Variants in CCDC178 observed in about 807,000 individuals in gnomAD.
CCDC178 encodes the protein coiled-coil domain containing 178, also known as coiled-coil domain-containing protein 178.
CCDC178 carries 126 observed loss-of-function variants against 117.4 expected under a neutral mutation model. That is an observed-to-expected ratio of 1.07 (90% confidence interval 0.93 to 1.24). The LOEUF (loss-of-function observed/expected upper bound fraction) is 1.24, where lower values mean the gene tolerates loss of function less well. CCDC178 is among the 50% of genes most tolerant of loss of function. The probability of loss-of-function intolerance (pLI) is 0.00; values close to 1 mark genes in which losing one functional copy is unlikely to be tolerated. For missense variants in CCDC178, 1,030 were observed against 986.9 expected (o/e 1.04, Z -0.59); for synonymous variants, 283 against 313.4 (o/e 0.90, Z 1.02).
chr18:33,089,403 G>A (rs2057428438), intron 21 of CCDC178, among the ~76,000 whole-genome samples: 1 of 151,976 alleles, frequency 6.6e-6, no homozygotes, highest in East Asian at 1.9e-4. Context: ...TGGGAGAGAT[G>A]ATAACAGTAA....
intron 11 of CCDC178, among the ~76,000 whole-genome samples, chr18:33,310,996 T>C (rs971541202): frequency 1.3e-5 from 2 of 152,142 alleles, no homozygotes; most frequent in Admixed American, 6.5e-5. Context: ...GTACTCTATA[T>C]GTATGTTCTC....
rs563587799 is a variant in CCDC178, at chr18:32,997,483, A to C, written c.2389-22802T>G. 4.4e-4 allele frequency among the ~76,000 whole-genome samples: 67 copies of C among 152,238 alleles called. 1 individual carries two copies. Among genetic ancestry groups the C allele is most frequent in the Middle Eastern group, 3.4e-3 (1 of 294 alleles). ...GGGTCAAGCTGCAAGTTTTCATTGG[A>C]TGTTCAGCCTGTCAGCCTACCCTGA... On this transcript the variant is annotated intron_variant, in intron 21 of 22. Transcript: ENST00000383096.
At chr18:33,068,858 T>C (rs2057063511) in intron 21 of CCDC178, among the ~76,000 whole-genome samples, 1 of 152,196 alleles carries the variant, frequency 6.6e-6, no homozygotes, top group African/African-American at 2.4e-5. Flanking sequence ...GGCATCCAAA[T>C]TGAAAAAGAG....
At chr18:33,104,643 G>C (rs1295730051) in intron 20 of CCDC178, among the ~76,000 whole-genome samples, 3 of 151,614 alleles carry the variant, frequency 2.0e-5, no homozygotes. Context: ...AAATCTCTGG[G>C]GAAATATTGA....
chr18:33,326,234 G>C (rs2062582686), intron 10 of CCDC178, among the ~76,000 whole-genome samples: 1 of 152,162 alleles, frequency 6.6e-6, no homozygotes, highest in African/African-American at 2.4e-5. Flanking sequence ...CTGTGGAGTG[G>C]CTAATTTTAA....
chr18:33,057,265 G>T (rs1373123736), intron 21 of CCDC178, among the ~76,000 whole-genome samples: 1 of 152,092 alleles, frequency 6.6e-6, no homozygotes, highest in East Asian at 1.9e-4. Flanking sequence ...TCATTTATTT[G>T]ATTTTGGATT....
chr18:33,263,343 T>G (rs1394058406), intron 14 of CCDC178, among the ~76,000 whole-genome samples: 1 of 152,128 alleles, frequency 6.6e-6, no homozygotes, highest in Non-Finnish European at 1.5e-5. Flanking sequence ...CTAAACAAAA[T>G]AATCCACTGC....
At chr18:32,943,027 C>G (rs1297100288) in intron 22 of CCDC178, among the ~76,000 whole-genome samples, 1 of 152,064 alleles carries the variant, frequency 6.6e-6, no homozygotes, top group African/African-American at 2.4e-5. Context: ...GTTAGAAATT[C>G]AGAGACCAAA....
intron 20 of CCDC178, among the ~76,000 whole-genome samples, chr18:33,199,036 C>A (rs2058964197): frequency 1.3e-5 from 2 of 151,722 alleles, no homozygotes; most frequent in African/African-American, 2.4e-5. Flanking sequence ...CCAGTCTAAA[C>A]CCTTCCAATG....
chr18:32,967,763 T>C (rs1187893840), intron 22 of CCDC178, among the ~76,000 whole-genome samples: 1 of 151,764 alleles, frequency 6.6e-6, no homozygotes, highest in Non-Finnish European at 1.5e-5. Context: ...AAATTTTTTG[T>C]TTTGTTTTTA....
intron 22 of CCDC178, among the ~76,000 whole-genome samples, chr18:32,947,846 T>C (rs1449368053): frequency 6.6e-6 from 1 of 152,152 alleles, no homozygotes; most frequent in Admixed American, 6.5e-5. Context: ...GATTCTATGT[T>C]TAGGATTATG....
chr18:32,952,248 T>C (rs2054503284), intron 22 of CCDC178, among the ~76,000 whole-genome samples: 2 of 152,234 alleles, frequency 1.3e-5, no homozygotes, highest in African/African-American at 4.8e-5. Context: ...ATTTCCCTTC[T>C]GCACTGCCCT....
chr18:33,146,457 C>T (rs2058269009), intron 20 of CCDC178, among the ~76,000 whole-genome samples: 1 of 152,132 alleles, frequency 6.6e-6, no homozygotes, highest in African/African-American at 2.4e-5. Context: ...GAGTTTGAGA[C>T]CAGCTTGGGC....
chr18:33,407,363 C>G (rs1257480407), intron 3 of CCDC178, among the ~76,000 whole-genome samples: 1 of 152,010 alleles, frequency 6.6e-6, no homozygotes, highest in Admixed American at 6.6e-5. Context: ...GCGATCTAAG[C>G]AACCAAATTT....
At chr18:33,246,354 CA>C (rs1438566712) in intron 14 of CCDC178, among the ~76,000 whole-genome samples, 2 of 151,674 alleles carry the variant, frequency 1.3e-5, no homozygotes, top group African/African-American at 2.4e-5. Context: ...GAATAGCTCC[CA>C]GGTTGATGAC....
intron 11 of CCDC178, among the ~76,000 whole-genome samples, chr18:33,320,147 C>G (rs550585943): frequency 1.1e-4 from 17 of 152,158 alleles, no homozygotes; most frequent in Non-Finnish European, 7.4e-5. Flanking sequence ...TACTGAATGG[C>G]CAAAAACTGG....
chr18:33,054,977 G>C (rs988996414), intron 21 of CCDC178, among the ~76,000 whole-genome samples: 1 of 152,166 alleles, frequency 6.6e-6, no homozygotes, highest in Non-Finnish European at 1.5e-5. Flanking sequence ...CATTCTGACT[G>C]GTGTGAGATG....
chr18:33,142,318 C>T (rs772356755), intron 20 of CCDC178, among the ~76,000 whole-genome samples: 3 of 152,110 alleles, frequency 2.0e-5, no homozygotes, highest in South Asian at 2.1e-4. Context: ...GATGAGGGAT[C>T]GCCATACTGC....
At chr18:33,302,661 C>T (rs143619778) in intron 11 of CCDC178, among the ~76,000 whole-genome samples, 14 of 152,170 alleles carry the variant, frequency 9.2e-5, no homozygotes, top group Admixed American at 3.3e-4. Context: ...GTATACACGA[C>T]GTAATACTAT....
Sources: gnomAD v4.1 joint callset for allele counts (sites outside exome capture counted in the v4.1 genomes callset) on GRCh38, gnomAD v4.1.1 for gene constraint, MANE v1.5 for transcripts, NCBI Gene and HGNC (gene_info 2026-07-23, HGNC 2026-07-21) for gene names.